Variants in OR2T27 observed in about 807,000 individuals in gnomAD.
The protein encoded by OR2T27 is olfactory receptor family 2 subfamily T member 27.
For synonymous variants in OR2T27, 51 were observed against 152.9 expected, an observed-to-expected ratio of 0.33 and a Z score of 4.92; for missense variants, 152 against 397.2, an observed-to-expected ratio of 0.38 and a Z score of 5.25.
At chr1:248,653,296 CTG>C (rs1470159131) in intron 1 of OR2T27, among the ~76,000 whole-genome samples, 1 of 87,600 alleles carries the variant, frequency 1.1e-5, no homozygotes, top group African/African-American at 2.8e-5. Context: ...GATTCATTCA[CTG>C]TATTTTAAGA....
chr1:248,653,722 A>G (rs1376737938), intron 1 of OR2T27, among the ~76,000 whole-genome samples: 1 of 110,074 alleles, frequency 9.1e-6, no homozygotes, highest in Non-Finnish European at 2.1e-5. Context: ...GATTATGAAA[A>G]AAATTGAACA....
rs748396156 is a variant in OR2T27, at chr1:248,649,996, C to CA, written c.888dup (p.Val297CysfsTer32). The CA allele has an allele frequency of 4.4e-6, 7 of 1,576,804 alleles. No homozygotes were observed. The Admixed American group carries it at 1.2e-4, about 27-fold the overall frequency. On this transcript the variant is annotated frameshift_variant, in exon 2 of 2. Coordinates refer to ENST00000460972, the MANE Select transcript of OR2T27 (RefSeq NM_001001824.2). LOFTEE classifies it low-confidence loss of function (END_TRUNC). ...ACAACCTTCTGTAGGGCCCCTGTGA[C>CA]ATCCTTGTTCCTAAGGCTGTAAATG...
At chr1:248,652,452 G>T (rs1336893208) in intron 1 of OR2T27, among the ~76,000 whole-genome samples, 1 of 148,030 alleles carries the variant, frequency 6.8e-6, no homozygotes, top group Admixed American at 6.8e-5. Context: ...GGCACATTGG[G>T]TAAGCCAAAG....
At chr1:248,652,991 C>T (rs1260455770) in intron 1 of OR2T27, among the ~76,000 whole-genome samples, 18 of 100,548 alleles carry the variant, frequency 1.8e-4, no homozygotes, top group African/African-American at 4.9e-4. Flanking sequence ...CTTGGAGGGC[C>T]GTGCTTGTTA....
chr1:248,651,416 C>CA (rs1446706864), intron 1 of OR2T27: 5 of 71,522 alleles, frequency 7.0e-5, no homozygotes, highest in African/African-American at 1.4e-4. Flanking sequence ...AATGAGTACT[C>CA]AACTTACATG....
At position 248,650,055 on chromosome 1, in the gene OR2T27, A is replaced by G. The variant is rs1393387451; in HGVS notation, c.830T>C (p.Phe277Ser). ...TPEQDKAVSA[F>S]YTILTPMLNP... is the part of the protein sequence containing the mutation. ...GAGCATGGGAGTAAGGATGGTGTAG[A>G]AGGCAGATACAGCTTTGTCCTGCTC... Residue 277 changes from phenylalanine (F) to serine (S), a missense_variant, in exon 2 of 2, where the codon TTC becomes TCC. Transcript: ENST00000460972. 1 of 1,574,992 alleles carries G rather than the reference A, an allele frequency of 6.3e-7. No homozygotes were observed. Among genetic ancestry groups the G allele is most frequent in the South Asian group, 1.1e-5 (1 of 88,786 alleles).
At chr1:248,652,358 TAAAC>T (rs1163065124) in intron 1 of OR2T27, among the ~76,000 whole-genome samples, 3 of 149,822 alleles carry the variant, frequency 2.0e-5, no homozygotes, top group Non-Finnish European at 3.0e-5. Flanking sequence ...CATTGTTCTT[TAAAC>T]AGTGACAGTG....
intron 1 of OR2T27, among the ~76,000 whole-genome samples, chr1:248,653,220 A>G (rs530735777): frequency 7.0e-5 from 10 of 142,810 alleles, no homozygotes; most frequent in African/African-American, 1.7e-4. Flanking sequence ...ACAAAGGGAA[A>G]GGGGAGATAT....
At position 248,651,667 on chromosome 1, in the gene OR2T27, CAAA is replaced by C. The variant is rs58167488; in HGVS notation, c.-4-782_-4-780del. 33 of 70,734 alleles carry C rather than the reference CAAA, an allele frequency of 4.7e-4. 5 individuals are homozygous for C. Among genetic ancestry groups the C allele is most frequent in the African/African-American group, 8.5e-4 (30 of 35,384 alleles). The allele number at this position is 70,734 out of a possible 1,614,324, so 4.4% of individuals were successfully genotyped here. ...TTTAAGTATTAGACCTAGTGTATCC[CAAA>C]AAGAAGGGATCTCTCATACTTGAAG... On this transcript the variant is annotated intron_variant, in intron 1 of 1. Coordinates refer to ENST00000460972, the MANE Select transcript of OR2T27 (RefSeq NM_001001824.2).
At chr1:248,655,342 A>G (rs1381723813) in intron 1 of OR2T27, 102 bp downstream of exon 1, 1 of 136,718 alleles carries the variant, frequency 7.3e-6, no homozygotes, top group African/African-American at 2.5e-5. Flanking sequence ...ATCAACTTCA[A>G]CATTCTCCAG....
intron 1 of OR2T27, 46 bp downstream of exon 1, chr1:248,655,398 A>AT (rs1661096885): frequency 1.0e-5 from 1 of 100,334 alleles, no homozygotes; most frequent in Non-Finnish European, 2.3e-5. Flanking sequence ...TCCAGAATCT[A>AT]TTTAAAGCAT....
intron 1 of OR2T27, among the ~76,000 whole-genome samples, chr1:248,653,900 G>A (rs1450916888): frequency 3.0e-5 from 1 of 33,208 alleles, no homozygotes; most frequent in African/African-American, 3.3e-5. Context: ...TTGATGTTTA[G>A]GCCAAAAAGT....
chr1:248,653,451 A>G (rs1355535918), intron 1 of OR2T27, among the ~76,000 whole-genome samples: 1 of 140,224 alleles, frequency 7.1e-6, no homozygotes, highest in Non-Finnish European at 1.6e-5. Flanking sequence ...TAATTAGCAC[A>G]TCTTTCCCAG....
chr1:248,653,550 T>TG (rs1454383743), intron 1 of OR2T27, among the ~76,000 whole-genome samples: 1 of 32,768 alleles, frequency 3.1e-5, no homozygotes, highest in African/African-American at 3.4e-5. Context: ...ATGCAAGTAT[T>TG]GTGAGGTGAA....
At chr1:248,651,649 A>AT (rs1661020033) in intron 1 of OR2T27, 4 of 71,950 alleles carry the variant, frequency 5.6e-5, no homozygotes, top group Admixed American at 2.1e-4. Flanking sequence ...TAGTTTAAGT[A>AT]TTAGACCTAG....
At chr1:248,651,070 T>G (rs1401771083) in intron 1 of OR2T27, among the ~76,000 whole-genome samples, 182 bp from the exon 2 acceptor site, 1 of 46,746 alleles carries the variant, frequency 2.1e-5, no homozygotes, top group Non-Finnish European at 1.1e-4. Context: ...CATTGTTCAT[T>G]TAAGGATTTT....
At chr1:248,651,991 C>T (rs1208719926) in intron 1 of OR2T27, among the ~76,000 whole-genome samples, 1 of 151,218 alleles carries the variant, frequency 6.6e-6, no homozygotes, top group African/African-American at 2.4e-5. Flanking sequence ...ATTAGTTTCA[C>T]CTATTTTTTA....
chr1:248,650,160 G>A lies in OR2T27; in HGVS notation c.725C>T (p.Ser242Phe), dbSNP rs1322538046. Residue 242 changes from serine (S) to phenylalanine (F), a missense_variant, in exon 2 of 2, where the codon TCC becomes TTC. By Grantham distance (155) the Ser-to-Phe change is radical. Transcript: ENST00000460972. ...EGRGKAVATCSSHMVVVSLFY... is the reference protein window; with the variant it reads ...EGRGKAVATCFSHMVVVSLFY... Reference sequence around the variant, plus strand: ...GAGGCTGACAACCACCATGTGTGAGGAGCAGGTGGCCACAGCCTTTCCCCT... The same window carrying A: ...GAGGCTGACAACCACCATGTGTGAGAAGCAGGTGGCCACAGCCTTTCCCCT... The A allele has an allele frequency of 8.3e-6, 13 of 1,565,198 alleles. No homozygotes were observed. The African/African-American group carries it at 1.8e-4, about 22-fold the overall frequency.
chr1:248,649,911 T>A lies in OR2T27; in HGVS notation c.*20A>T, dbSNP rs575209984. 0.012 allele frequency: 17,580 copies of A among 1,461,806 alleles called. 1,700 individuals carry two copies. The African/African-American group carries it at 0.22, about 18-fold the overall frequency. 90.6% of individuals were successfully genotyped at this position (1,461,806 alleles called of 1,614,324 possible). A position where few individuals can be genotyped will look rare whatever the true frequency, so the allele number is the denominator to read the frequency against. ...TCTTGTATCCTTCATTTCAAGTCTC[T>A]AGCAGCATATGAAATTTCTTTAGAA... On this transcript the variant is annotated 3_prime_UTR_variant, in exon 2 of 2. Transcript: ENST00000460972.
Sources: gnomAD v4.1 joint callset for allele counts (sites outside exome capture counted in the v4.1 genomes callset) on GRCh38, gnomAD v4.1.1 for gene constraint, MANE v1.5 for transcripts, NCBI Gene and HGNC (gene_info 2026-07-23, HGNC 2026-07-21) for gene names.